The following FGF12 variants were observed in gnomAD, a reference collection of about 807,000 sequenced individuals.
The protein encoded by FGF12 is fibroblast growth factor 12B.
In FGF12, 14 loss-of-function variants were observed where a neutral mutation model predicts 23.6. That is an observed-to-expected ratio of 0.59 (90% CI 0.39 to 0.93). The LOEUF is 0.93. Ranked by LOEUF, FGF12 falls within the 40% of genes least tolerant of loss-of-function variation. The pLI is 0.00. For synonymous variants in FGF12, 62 were observed against 77.3 expected, an observed-to-expected ratio of 0.80 and a Z score of 1.04; for missense variants, 175 against 217.8, an observed-to-expected ratio of 0.80 and a Z score of 1.24.
intron 2 of FGF12, among the ~76,000 whole-genome samples, chr3:192,447,644 TAA>T (rs2108799976): frequency 6.6e-6 from 1 of 152,212 alleles, no homozygotes; most frequent in East Asian, 1.9e-4. Flanking sequence ...TCTCATCACG[TAA>T]AATTTTTTAG....
At chr3:192,593,333 T>A (rs556931879) in intron 2 of FGF12, among the ~76,000 whole-genome samples, 4 of 151,810 alleles carry the variant, frequency 2.6e-5, no homozygotes, top group Non-Finnish European at 4.4e-5. Flanking sequence ...TCTTCCCTCA[T>A]GATCATACGT....
chr3:192,511,185 A>C (rs2108839498), intron 2 of FGF12, among the ~76,000 whole-genome samples: 1 of 151,898 alleles, frequency 6.6e-6, no homozygotes, highest in African/African-American at 2.4e-5. Flanking sequence ...GGGGCAGCCC[A>C]AGTGATAACA....
intron 4 of FGF12, among the ~76,000 whole-genome samples, chr3:192,201,324 CA>C (rs1310640326): frequency 6.6e-6 from 1 of 152,128 alleles, no homozygotes; most frequent in Non-Finnish European, 1.5e-5. Flanking sequence ...AAATGGAACA[CA>C]ACAACTGAAA....
chr3:192,301,465 T>C (rs1577333734), intron 4 of FGF12, among the ~76,000 whole-genome samples: 1 of 152,234 alleles, frequency 6.6e-6, no homozygotes, highest in East Asian at 1.9e-4. Context: ...AGATATCCAA[T>C]GGTATAGAAA....
chr3:192,649,277 C>T (rs1046939140), intron 2 of FGF12, among the ~76,000 whole-genome samples: 3 of 152,090 alleles, frequency 2.0e-5, no homozygotes, highest in African/African-American at 4.8e-5. Context: ...CCACTGCATA[C>T]GATAGTAAGC....
At chr3:192,315,933 T>A (rs982241715) in intron 4 of FGF12, among the ~76,000 whole-genome samples, 1 of 152,188 alleles carries the variant, frequency 6.6e-6, no homozygotes, top group Admixed American at 6.5e-5. Context: ...AGTTTAGCAG[T>A]TCATAAAAAT....
chr3:192,676,989 G>A (rs914863281), intron 2 of FGF12, among the ~76,000 whole-genome samples: 5 of 152,156 alleles, frequency 3.3e-5, no homozygotes, highest in South Asian at 2.1e-4. Context: ...AAACGAATTC[G>A]GTGAGTTTGA....
intron 4 of FGF12, among the ~76,000 whole-genome samples, chr3:192,237,351 C>G (rs955426359): frequency 6.6e-6 from 1 of 152,088 alleles, no homozygotes; most frequent in South Asian, 2.1e-4. Context: ...CAGGGGTTCT[C>G]TGAATTTCCT....
At chr3:192,165,105 C>G (rs1715088353) in intron 5 of FGF12, among the ~76,000 whole-genome samples, 1 of 151,898 alleles carries the variant, frequency 6.6e-6, no homozygotes, top group Non-Finnish European at 1.5e-5. Flanking sequence ...AGGTGTGTAC[C>G]ACCACACCTG....
chr3:192,602,966 CT>C (rs1415505218), intron 2 of FGF12, among the ~76,000 whole-genome samples: 1 of 152,020 alleles, frequency 6.6e-6, no homozygotes, highest in African/African-American at 2.4e-5. Context: ...ACAGGAAAAG[CT>C]TTCAATAAAA....
chr3:192,654,917 G>A (rs551806793), intron 2 of FGF12, among the ~76,000 whole-genome samples: 1 of 152,238 alleles, frequency 6.6e-6, no homozygotes, highest in Admixed American at 6.5e-5. Flanking sequence ...TAGTCAACTA[G>A]ATTGATGGAC....
intron 3 of FGF12, among the ~76,000 whole-genome samples, chr3:192,337,206 T>C (rs958534277): frequency 3.9e-5 from 6 of 152,060 alleles, no homozygotes; most frequent in African/African-American, 1.2e-4. Flanking sequence ...ATGCATTCTA[T>C]ATATATATTC....
chr3:192,478,262 C>T (rs1452331907), intron 2 of FGF12, among the ~76,000 whole-genome samples: 1 of 152,128 alleles, frequency 6.6e-6, no homozygotes. Context: ...CAGTTATCTC[C>T]ATTTTACTGA....
chr3:192,237,043 C>T (rs1719337809), intron 4 of FGF12, among the ~76,000 whole-genome samples: 1 of 152,070 alleles, frequency 6.6e-6, no homozygotes, highest in Non-Finnish European at 1.5e-5. Context: ...AACAAATTCC[C>T]TTAGTGTTTG....
In FGF12 at chr3:192,408,907, G is replaced by C. The variant is rs1482827084; in HGVS notation, c.14-48369C>G. On this transcript the variant is annotated intron_variant, in intron 2 of 5. Coordinates refer to ENST00000445105, the MANE Select transcript of FGF12 (RefSeq NM_004113.6). The surrounding 1 kb of genome is among the most constrained non-coding windows in gnomAD (Gnocchi z 7.3). ...GTCTACAGAATGCATCGCGCCGGCT[G>C]CGGCTTTCCAGGGGCCGGCCACCCG... 1.0e-6 allele frequency: 1 copy of C among 985,260 alleles called. No homozygotes were observed. The highest frequency in any genetic ancestry group is 1.7e-5 in the African/African-American group (1 of 57,214). 61.0% of individuals were successfully genotyped at this position (985,260 alleles called of 1,614,324 possible).
intron 2 of FGF12, among the ~76,000 whole-genome samples, chr3:192,575,630 C>A (rs1712839650): frequency 1.3e-5 from 2 of 151,596 alleles, no homozygotes; most frequent in South Asian, 4.2e-4. Flanking sequence ...TTTGGTACCA[C>A]TTAGCCAGTA....
intron 4 of FGF12, among the ~76,000 whole-genome samples, chr3:192,234,748 G>A (rs1057000553): frequency 6.6e-6 from 1 of 152,156 alleles, no homozygotes; most frequent in Non-Finnish European, 1.5e-5. Flanking sequence ...AAAACAAAGG[G>A]ATGTGATGTT....
At position 192,642,861 on chromosome 3, in the gene FGF12, A is replaced by G. The variant is rs1715858065; in HGVS notation, c.13+84320T>C. Among the ~76,000 whole-genome samples the G allele has an allele frequency of 2.6e-5, 4 of 152,270 alleles. No individual in the cohort carries two copies. In the South Asian group the frequency reaches 8.3e-4, roughly 31 times the overall value. On this transcript the variant is annotated intron_variant, in intron 2 of 5. Coordinates refer to ENST00000445105, the MANE Select transcript of FGF12 (RefSeq NM_004113.6). ...TCTTTGACGCCGTGCCAGCTCTGGC[A>G]GGAACCTGATGAGGAGCTTCATGGG...
At chr3:192,320,450 C>G (rs1431768912) in intron 4 of FGF12, among the ~76,000 whole-genome samples, 1 of 152,128 alleles carries the variant, frequency 6.6e-6, no homozygotes, top group Non-Finnish European at 1.5e-5. Context: ...TTAATCTGCA[C>G]TATAGATCAA....
Sources: allele counts gnomAD v4.1 joint callset (sites outside exome capture counted in the v4.1 genomes callset), GRCh38; gene constraint gnomAD v4.1.1; non-coding constraint Gnocchi (gnomAD v3.1); transcripts MANE v1.5; gene names NCBI Gene and HGNC (gene_info 2026-07-23, HGNC 2026-07-21).